The following NRXN1 variants were observed in gnomAD, a reference collection of about 807,000 sequenced individuals.
NRXN1 encodes the protein neurexin 1.
NRXN1 carries 39 observed loss-of-function variants against 150.9 expected under a neutral mutation model. The observed-to-expected ratio is 0.26, with a 90% CI of 0.20 to 0.34. NRXN1 has a LOEUF of 0.34. Ranked by LOEUF, NRXN1 falls within the 10% of genes least tolerant of loss-of-function variation. The pLI is 1.00. For synonymous variants in NRXN1, 924 were observed against 757.0 expected (o/e 1.22, Z -3.62); for missense variants, 1,815 against 1,949.9 (o/e 0.93, Z 1.30).
chr2:50,088,293 A>G (rs946424626), intron 19 of NRXN1, among the ~76,000 whole-genome samples: 2 of 152,176 alleles, frequency 1.3e-5, no homozygotes, highest in Non-Finnish European at 2.9e-5. Flanking sequence ...TGAAATTTTC[A>G]TGGCTTATTT....
intron 17 of NRXN1, among the ~76,000 whole-genome samples, chr2:50,306,491 G>C (rs1356797265): frequency 6.6e-6 from 1 of 152,152 alleles, no homozygotes; most frequent in African/African-American, 2.4e-5. Flanking sequence ...CTATTTTATA[G>C]ATAAAAGATT....
chr2:50,324,333 C>G (rs983592519), intron 17 of NRXN1, among the ~76,000 whole-genome samples: 4 of 152,100 alleles, frequency 2.6e-5, no homozygotes, highest in South Asian at 2.1e-4. Context: ...AGGTTTTGAG[C>G]CTTAATGACC....
At chr2:50,467,630 A>G (rs1429435933) in intron 16 of NRXN1, among the ~76,000 whole-genome samples, 2 of 151,458 alleles carry the variant, frequency 1.3e-5, no homozygotes, top group Non-Finnish European at 3.0e-5. Flanking sequence ...TTCAGAAACC[A>G]TGATATTGTA....
intron 5 of NRXN1, among the ~76,000 whole-genome samples, chr2:50,784,493 T>A (rs944426312): frequency 1.3e-5 from 2 of 151,834 alleles, no homozygotes; most frequent in East Asian, 3.9e-4. Flanking sequence ...AAAAACATGG[T>A]GAGTATGAAA....
intron 17 of NRXN1, among the ~76,000 whole-genome samples, chr2:50,359,256 G>C (rs542374944): frequency 1.3e-5 from 2 of 151,984 alleles, no homozygotes; most frequent in Non-Finnish European, 2.9e-5. Context: ...CGGCGAATGA[G>C]TTTGACGAAT....
intron 21 of NRXN1, among the ~76,000 whole-genome samples, chr2:49,975,262 G>A (rs1385573865): frequency 6.6e-6 from 1 of 151,648 alleles, no homozygotes; most frequent in African/African-American, 2.4e-5. Flanking sequence ...AAAATTTCTA[G>A]AAGAAAAATT....
Position 50,065,153 on chromosome 2 carries a change from G to C in NRXN1, c.3719-10109C>G, listed in dbSNP as rs895893925. ...AAATAAGAAAATAATGTATTGAGTA[G>C]CTTCATGTTTTATGCATTGTGTTAC... On this transcript the variant is annotated intron_variant, in intron 19 of 22. Transcript: ENST00000401669. Among the ~76,000 whole-genome samples, 3 of 152,092 alleles carry C rather than the reference G, an allele frequency of 2.0e-5. No homozygotes were observed. The South Asian group carries it at 6.2e-4, about 31-fold the overall frequency.
chr2:50,180,117 G>T (rs1291803468), intron 18 of NRXN1, among the ~76,000 whole-genome samples: 1 of 151,968 alleles, frequency 6.6e-6, no homozygotes, highest in Non-Finnish European at 1.5e-5. Context: ...GAACTCCTGG[G>T]CTCAAGCAAT....
At chr2:50,264,851 C>T (rs17463545) in intron 17 of NRXN1, among the ~76,000 whole-genome samples, 10,841 of 152,094 alleles carry the variant, frequency 0.071, 455 homozygotes, top group Middle Eastern at 0.12. Context: ...ATATCAAGAC[C>T]ACACATCTAT....
At chr2:50,423,502 G>T (rs751453149) in intron 17 of NRXN1, among the ~76,000 whole-genome samples, 2 of 152,070 alleles carry the variant, frequency 1.3e-5, no homozygotes, top group African/African-American at 4.8e-5. Context: ...GAAGAAAAAC[G>T]ACTAGAAAAG....
At chr2:50,239,094 T>C (rs1165395318) in intron 17 of NRXN1, among the ~76,000 whole-genome samples, 2 of 151,902 alleles carry the variant, frequency 1.3e-5, no homozygotes. Flanking sequence ...CCTCAGAAGC[T>C]TGTTCATCAT....
chr2:50,158,088 TG>T, intron 18 of NRXN1, among the ~76,000 whole-genome samples: 1 of 150,830 alleles, frequency 6.6e-6, no homozygotes, highest in Non-Finnish European at 1.5e-5. Flanking sequence ...TGTGTGTGTG[TG>T]TGTGTGTGTG....
intron 16 of NRXN1, among the ~76,000 whole-genome samples, chr2:50,471,311 T>C (rs890088044): frequency 2.0e-5 from 3 of 151,772 alleles, no homozygotes; most frequent in Non-Finnish European, 4.4e-5. Flanking sequence ...TATGCTTTTG[T>C]GCACCCATAG....
intron 18 of NRXN1, among the ~76,000 whole-genome samples, chr2:50,227,051 G>A (rs147428333): frequency 2.5e-3 from 384 of 151,566 alleles, no homozygotes; most frequent in African/African-American, 8.5e-3. Context: ...GCATCATGCT[G>A]TTCAGTATGG....
intron 17 of NRXN1, among the ~76,000 whole-genome samples, chr2:50,278,285 A>AAT (rs1343278273): frequency 5.4e-4 from 33 of 60,692 alleles, no homozygotes; most frequent in African/African-American, 1.8e-3. Context: ...TTATATATAT[A>AAT]ATACATATAT....
At chr2:50,442,675 G>C (rs2086065659) in intron 17 of NRXN1, among the ~76,000 whole-genome samples, 1 of 152,084 alleles carries the variant, frequency 6.6e-6, no homozygotes, top group Admixed American at 6.6e-5. Flanking sequence ...AGAGTTACTG[G>C]CATAATGATA....
At chr2:50,930,391 G>C (rs1687561937) in intron 2 of NRXN1, among the ~76,000 whole-genome samples, 2 of 146,494 alleles carry the variant, frequency 1.4e-5, no homozygotes. Flanking sequence ...AAGAGAAAAA[G>C]AGAAAGGGGG....
intron 18 of NRXN1, among the ~76,000 whole-genome samples, chr2:50,130,878 T>C (rs1398398344): frequency 6.6e-6 from 1 of 152,200 alleles, no homozygotes; most frequent in African/African-American, 2.4e-5. Flanking sequence ...TGGTTGAGGA[T>C]TCAGGGACTT....
Position 50,373,619 on chromosome 2 carries a change from G to A in NRXN1, c.3364+91823C>T, listed in dbSNP as rs1164452147. ...AGAGAGAGAGAAAGAAAGAGAGAGA[G>A]AGAAAGAAAAGAAAGAAAGAAAGAA... On this transcript the variant is annotated intron_variant, in intron 17 of 22. Transcript: ENST00000401669. Among the ~76,000 whole-genome samples the A allele has an allele frequency of 2.0e-4, 22 of 108,246 alleles. No individual in the cohort carries two copies. In the East Asian group the frequency reaches 4.1e-3, roughly 20 times the overall value. The allele number at this position is 108,246 out of a possible 152,430, so 71.0% of individuals were successfully genotyped here. A position where few individuals can be genotyped will look rare whatever the true frequency, so the allele number is the denominator to read the frequency against.
Sources: allele counts gnomAD v4.1 joint callset (sites outside exome capture counted in the v4.1 genomes callset), GRCh38; gene constraint gnomAD v4.1.1; transcripts MANE v1.5; gene names NCBI Gene and HGNC (gene_info 2026-07-23, HGNC 2026-07-21).